The following TEX26 variants were observed in gnomAD, a reference collection of about 807,000 sequenced individuals.
TEX26 encodes the protein testis expressed 26, also known as testis-expressed protein 26.
In TEX26, 34 loss-of-function variants were observed where a neutral mutation model predicts 35.3. The ratio of observed to expected loss-of-function variants is 0.96; its 90% CI spans 0.73 to 1.28. The LOEUF (loss-of-function observed/expected upper bound fraction) is 1.28. Ranked by LOEUF, TEX26 falls within the 50% of genes most tolerant of loss-of-function variation. The pLI is 0.00. For synonymous variants in TEX26, 136 were observed against 111.8 expected, an observed-to-expected ratio of 1.22 and a Z score of -1.36; for missense variants, 371 against 330.1, an observed-to-expected ratio of 1.12 and a Z score of -0.96.
chr13:30,948,548 G>A (rs1953803636), intron 2 of TEX26, among the ~76,000 whole-genome samples: 1 of 152,198 alleles, frequency 6.6e-6, no homozygotes, highest in Non-Finnish European at 1.5e-5. Context: ...CTTTTGAGAA[G>A]AGTCTGTTCA....
chr13:30,966,429 TC>T, intron 5 of TEX26, 31 bp downstream of exon 5: 2 of 1,438,002 alleles, frequency 1.4e-6, no homozygotes, highest in Admixed American at 2.7e-5. Context: ...TTTTTCTTTT[TC>T]TCTTTTTTTT....
chr13:30,950,209 C>A (rs556276117), intron 2 of TEX26, among the ~76,000 whole-genome samples: 1 of 152,248 alleles, frequency 6.6e-6, no homozygotes, highest in South Asian at 2.1e-4. Flanking sequence ...AGTTCAAGAC[C>A]AGCCTGACCA....
At chr13:30,952,556 C>T in intron 2 of TEX26, 104 bp from the exon 3 acceptor site, 1 of 975,998 alleles carries the variant, frequency 1.0e-6, no homozygotes, top group Non-Finnish European at 1.5e-6. Context: ...TTATGCCAAT[C>T]AATCTTTTTA....
chr13:30,949,064 T>G (rs1371815834), intron 2 of TEX26, among the ~76,000 whole-genome samples: 2 of 152,220 alleles, frequency 1.3e-5, no homozygotes, highest in African/African-American at 4.8e-5. Context: ...TATGCGGCAT[T>G]ATTTCTGACG....
intron 2 of TEX26, among the ~76,000 whole-genome samples, chr13:30,952,000 G>GTTTTTTT (rs1401089058): frequency 1.6e-5 from 1 of 62,194 alleles, no homozygotes; most frequent in African/African-American, 7.0e-5. Context: ...ATTATTCTGG[G>GTTTTTTT]ATTTTTTTTT....
At chr13:30,951,587 C>T (rs1405336213) in intron 2 of TEX26, among the ~76,000 whole-genome samples, 3 of 152,040 alleles carry the variant, frequency 2.0e-5, no homozygotes, top group African/African-American at 7.3e-5. Context: ...CCACTATGAC[C>T]CAGCAACAGC....
At chr13:30,963,417 C>T (rs571983448) in intron 4 of TEX26, among the ~76,000 whole-genome samples, 1 of 152,148 alleles carries the variant, frequency 6.6e-6, no homozygotes, top group African/African-American at 2.4e-5. Context: ...TTATCAGGAA[C>T]CTGTCTTCCA....
At chr13:30,947,702 A>T (rs1953763595) in intron 2 of TEX26, among the ~76,000 whole-genome samples, 1 of 152,168 alleles carries the variant, frequency 6.6e-6, no homozygotes, top group African/African-American at 2.4e-5. Context: ...GGATTTGGAA[A>T]ATCGAAACAC....
chr13:30,968,330 A>G (rs1954607528), intron 5 of TEX26, among the ~76,000 whole-genome samples: 1 of 152,104 alleles, frequency 6.6e-6, no homozygotes. Context: ...ATGATGGTAA[A>G]GGTTTCTTTT....
At chr13:30,957,712 G>C (rs927074044) in intron 4 of TEX26, among the ~76,000 whole-genome samples, 1 of 152,160 alleles carries the variant, frequency 6.6e-6, no homozygotes, top group African/African-American at 2.4e-5. Flanking sequence ...TGGTGGCATG[G>C]GCACTTCAGT....
intron 4 of TEX26, among the ~76,000 whole-genome samples, chr13:30,957,348 T>C (rs1044307294): frequency 6.6e-5 from 10 of 152,066 alleles, no homozygotes; most frequent in African/African-American, 2.4e-4. Flanking sequence ...ATTGAAGACC[T>C]GCAGGAACAT....
chr13:30,943,449 CT>C (rs1481625531), intron 2 of TEX26, among the ~76,000 whole-genome samples: 4 of 152,036 alleles, frequency 2.6e-5, no homozygotes, highest in Admixed American at 1.3e-4. Context: ...TGTGGATACA[CT>C]TTATTTCTTT....
chr13:30,966,900 T>C (rs1954558553), intron 5 of TEX26, among the ~76,000 whole-genome samples: 1 of 152,200 alleles, frequency 6.6e-6, no homozygotes, highest in Admixed American at 6.5e-5. Context: ...TCCCAACCTG[T>C]AACCCAGGGA....
chr13:30,958,597 G>A (rs1173477978), intron 4 of TEX26, among the ~76,000 whole-genome samples: 4 of 152,154 alleles, frequency 2.6e-5, no homozygotes, highest in Non-Finnish European at 5.9e-5. Context: ...AGGTCTGGGT[G>A]TCTCCATCTT....
chr13:30,950,032 G>T (rs1161134386), intron 2 of TEX26, among the ~76,000 whole-genome samples: 1 of 152,048 alleles, frequency 6.6e-6, no homozygotes, highest in African/African-American at 2.4e-5. Context: ...ATACTTTATT[G>T]AATGATTAAT....
intron 6 of TEX26, among the ~76,000 whole-genome samples, chr13:30,973,894 A>C (rs1166577226): frequency 6.6e-6 from 1 of 151,964 alleles, no homozygotes; most frequent in East Asian, 1.9e-4. Context: ...TTCTGCCTGT[A>C]ATCCCAGCAC....
chr13:30,953,290 T>TTG (rs940620817), intron 3 of TEX26, among the ~76,000 whole-genome samples: 11 of 152,332 alleles, frequency 7.2e-5, no homozygotes, highest in African/African-American at 2.6e-4. Context: ...AGGTGACCTT[T>TTG]TGTGTCTGGC....
rs952542971 is a variant in TEX26 at position 30,975,408 on chromosome 13, AT to A, written c.*507del. 6.6e-6 allele frequency: 1 copy of A among 152,142 alleles called. No individual in the cohort carries two copies. The highest frequency in any genetic ancestry group is 2.4e-5 in the African/African-American group (1 of 41,442). The allele number at this position is 152,142 out of a possible 1,614,324, so 9.4% of individuals were successfully genotyped here. On this transcript the variant is annotated 3_prime_UTR_variant, in exon 7 of 7. Transcript: ENST00000380473. The stretch of plus-strand genomic sequence containing the variant: ...TGAGAAAAAAATTATAGTTTATTGT[AT>A]TTTTTAATCCCTTATATCTTTAATT...
intron 6 of TEX26, among the ~76,000 whole-genome samples, chr13:30,971,783 T>G (rs1361860541): frequency 1.3e-5 from 2 of 152,206 alleles, no homozygotes; most frequent in Non-Finnish European, 2.9e-5. Context: ...ATTGGGCAAC[T>G]GTTTCCTATT....
Sources: allele counts gnomAD v4.1 joint callset (sites outside exome capture counted in the v4.1 genomes callset), GRCh38; gene constraint gnomAD v4.1.1; transcripts MANE v1.5; gene names NCBI Gene and HGNC (gene_info 2026-07-23, HGNC 2026-07-21).